ESR1: variants seen among roughly 807,000 people sequenced by gnomAD.
The protein encoded by ESR1 is estrogen receptor.
ESR1 carries 12 observed loss-of-function variants against 52.7 expected under a neutral mutation model. The ratio of observed to expected loss-of-function variants is 0.23; its 90% CI spans 0.15 to 0.37. The LOEUF is 0.37. Ranked by LOEUF, ESR1 falls within the 10% of genes least tolerant of loss-of-function variation. ESR1 has a pLI of 1.00. For synonymous variants in ESR1, 305 were observed against 316.8 expected, an observed-to-expected ratio of 0.96 and a Z score of 0.39; for missense variants, 584 against 779.7, an observed-to-expected ratio of 0.75 and a Z score of 2.99.
At chr6:151,938,837 T>A (rs2034688107) in intron 3 of ESR1, among the ~76,000 whole-genome samples, 1 of 152,156 alleles carries the variant, frequency 6.6e-6, no homozygotes. Flanking sequence ...CCCAAGGAGA[T>A]GAAATTCAAA....
Position 151,947,850 on chromosome 6 carries a change from C to G in ESR1, c.1096+3342C>G, listed in dbSNP as rs564757624. Among the ~76,000 whole-genome samples, 14 of 131,436 alleles carry G rather than the reference C, an allele frequency of 1.1e-4. No homozygotes were observed. In the South Asian group the frequency reaches 3.3e-3, roughly 31 times the overall value. The allele number at this position is 131,436 out of a possible 152,430, so 86.2% of individuals were successfully genotyped here. A position where few individuals can be genotyped will look rare whatever the true frequency, so the allele number is the denominator to read the frequency against. On this transcript the variant is annotated intron_variant, in intron 4 of 7. Transcript: ENST00000206249. ...AACAAGAATGATAAAACCTATGAAGCCAGCTCTGACAAAAGATGTTTTTTT... is the reference window on the plus strand; with the variant it reads ...AACAAGAATGATAAAACCTATGAAGGCAGCTCTGACAAAAGATGTTTTTTT...
chr6:151,827,023 C>T (rs555035131), intron 1 of ESR1, among the ~76,000 whole-genome samples: 8 of 151,942 alleles, frequency 5.3e-5, no homozygotes, highest in Admixed American at 1.3e-4. Context: ...ATGGCTGGCA[C>T]GGAGTAAGAA....
chr6:151,976,793 G>A (rs528126469), intron 4 of ESR1, among the ~76,000 whole-genome samples: 196 of 151,842 alleles, frequency 1.3e-3, no homozygotes, highest in African/African-American at 4.4e-3. Context: ...CTCTACTTGG[G>A]TATGCCCTTA....
intron 2 of ESR1, among the ~76,000 whole-genome samples, chr6:151,715,747 A>G (rs1179858701): frequency 6.6e-6 from 1 of 151,994 alleles, no homozygotes; most frequent in Admixed American, 6.5e-5. Context: ...CCTTTTTTCA[A>G]GGTTCTTAGC....
chr6:152,084,704 G>GAAA lies in ESR1; in HGVS notation c.1370-9668_1370-9666dup, dbSNP rs34421368. Among the ~76,000 whole-genome samples the GAAA allele has an allele frequency of 8.2e-3, 1,013 of 122,788 alleles. 13 individuals are homozygous for GAAA. Among genetic ancestry groups the GAAA allele is most frequent in the African/African-American group, 0.027 (937 of 35,174 alleles). The allele number at this position is 122,788 out of a possible 152,430, so 80.6% of individuals were successfully genotyped here. A position where few individuals can be genotyped will look rare whatever the true frequency, so the allele number is the denominator to read the frequency against. On this transcript the variant is annotated intron_variant, in intron 6 of 7. Coordinates refer to ENST00000206249, the MANE Select transcript of ESR1 (RefSeq NM_000125.4). ...TTATAAGGTTCACAGGCTTTTAATT[G>GAAA]AAAAAAAAAAAAAAACAGTTATTCA...
rs117166380 is a variant in ESR1 at position 151,724,106 on chromosome 6, G to A, written c.-71+22101G>A. ...ATGAGCAGTGAGCCCATCTAACTAC[G>A]GGACCCCAGATAGGCTTGGGATCTA... On this transcript the variant is annotated intron_variant, in intron 2 of 2. Coordinates refer to the ESR1 transcript ENST00000404742. Among the ~76,000 whole-genome samples, 40 of 152,144 alleles carry A rather than the reference G, an allele frequency of 2.6e-4. No individual in the cohort carries two copies. The East Asian group carries it at 6.6e-3, about 25-fold the overall frequency.
intron 2 of ESR1, among the ~76,000 whole-genome samples, chr6:151,847,696 T>C (rs1785387486): frequency 7.6e-6 from 1 of 131,018 alleles, no homozygotes; most frequent in Non-Finnish European, 1.6e-5. Context: ...AGGTTGCCTG[T>C]TCACTCTGAT....
chr6:151,807,609 G>C (rs1778083110), upstream of ESR1: 1 of 526,478 alleles, frequency 1.9e-6, no homozygotes, highest in Admixed American at 3.2e-5. Flanking sequence ...GTCCCTGGCC[G>C]TCCTCCAGCA....
intron 2 of ESR1, among the ~76,000 whole-genome samples, chr6:151,765,059 A>G (rs535484917): frequency 9.2e-5 from 14 of 152,352 alleles, no homozygotes; most frequent in African/African-American, 3.4e-4. Flanking sequence ...AGTAATTTTA[A>G]TAATATATTT....
Position 152,100,954 on chromosome 6 carries a change from A to T in ESR1, c.*1988A>T, listed in dbSNP as rs2050945424. On this transcript the variant is annotated 3_prime_UTR_variant, in exon 8 of 8. Coordinates refer to ENST00000206249, the MANE Select transcript of ESR1 (RefSeq NM_000125.4). The stretch of plus-strand genomic sequence containing the variant: ...TTTTTTGAAATTACATTGCTTGTTT[A>T]TCAGACAATTGAATGTAGTAATTCT... 4.3e-6 allele frequency: 1 copy of T among 230,102 alleles called. No homozygotes were observed. The allele number at this position is 230,102 out of a possible 1,614,324, so 14.3% of individuals were successfully genotyped here. A position where few individuals can be genotyped will look rare whatever the true frequency, so the allele number is the denominator to read the frequency against.
intron 6 of ESR1, among the ~76,000 whole-genome samples, chr6:152,117,355 G>A (rs78111928): frequency 1.1e-3 from 167 of 152,294 alleles, no homozygotes; most frequent in East Asian, 6.0e-3. Context: ...AGCTGGGAAC[G>A]CACATCTGTG....
chr6:151,943,795 A>G (rs1253460720), intron 3 of ESR1, among the ~76,000 whole-genome samples: 1 of 152,182 alleles, frequency 6.6e-6, no homozygotes, highest in Non-Finnish European at 1.5e-5. Context: ...TCTTTTTATA[A>G]CACCTGTTAC....
intron 2 of ESR1, among the ~76,000 whole-genome samples, chr6:151,753,319 AT>A (rs34402963): frequency 0.42 from 57,599 of 137,216 alleles, 11,938 homozygotes; most frequent in Non-Finnish European, 0.5. Flanking sequence ...ATTTGATTGC[AT>A]TTTTTTTTTT....
intron 2 of ESR1, among the ~76,000 whole-genome samples, chr6:151,879,950 G>A (rs1792537520): frequency 6.6e-6 from 1 of 152,108 alleles, no homozygotes; most frequent in South Asian, 2.1e-4. Flanking sequence ...CTCTCTCTCT[G>A]AAAACTCTAT....
chr6:152,021,469 T>C (rs9340993), intron 5 of ESR1, among the ~76,000 whole-genome samples: 7,895 of 152,230 alleles, frequency 0.052, 249 homozygotes, highest in Middle Eastern at 0.12. Flanking sequence ...CAGTGTGTTC[T>C]TTTATCAAAT....
At chr6:152,023,819 C>T (rs2043893473) in intron 5 of ESR1, among the ~76,000 whole-genome samples, 1 of 152,142 alleles carries the variant, frequency 6.6e-6, no homozygotes, top group South Asian at 2.1e-4. Flanking sequence ...GTTCCTCTAT[C>T]CTCAGTGTTT....
chr6:151,827,332 G>A (rs1400006953), intron 1 of ESR1, among the ~76,000 whole-genome samples: 2 of 134,250 alleles, frequency 1.5e-5, no homozygotes, highest in African/African-American at 5.9e-5. Flanking sequence ...GTGACAGAGC[G>A]AGACCCTGTC....
At chr6:151,681,623 T>A (rs570558113) in intron 1 of ESR1, among the ~76,000 whole-genome samples, 9 of 152,348 alleles carry the variant, frequency 5.9e-5, no homozygotes, top group African/African-American at 1.7e-4. Context: ...TCCCCAATGT[T>A]ACATAATCGA....
Position 151,742,571 on chromosome 6 carries a change from C to T in ESR1, c.-71+40566C>T, listed in dbSNP as rs564430291. On this transcript the variant is annotated intron_variant, in intron 2 of 2. Coordinates refer to the ESR1 transcript ENST00000404742. Reference sequence around the variant, plus strand: ...TCTTGTCCCTGCCAGTTCCTAACTGCGGAAACTTGGGCAAGTTGCTTAACC... The same window carrying T: ...TCTTGTCCCTGCCAGTTCCTAACTGTGGAAACTTGGGCAAGTTGCTTAACC... Among the ~76,000 whole-genome samples, 10 of 152,254 alleles carry T rather than the reference C, an allele frequency of 6.6e-5. No homozygotes were observed. The East Asian group carries it at 9.6e-4, about 15-fold the overall frequency.
Sources: gnomAD v4.1 joint callset for allele counts (sites outside exome capture counted in the v4.1 genomes callset) on GRCh38, gnomAD v4.1.1 for gene constraint, MANE v1.5 for transcripts, NCBI Gene and HGNC (gene_info 2026-07-23, HGNC 2026-07-21) for gene names.